RPH3A: variants seen among roughly 807,000 people sequenced by gnomAD.
RPH3A encodes rabphilin 3A.
Under a neutral mutation model 102.2 loss-of-function variants are expected in RPH3A, and 48 were observed. The ratio of observed to expected loss-of-function variants is 0.47; its 90% CI spans 0.37 to 0.60. RPH3A has a LOEUF of 0.60. RPH3A is among the 20% of genes least tolerant of loss of function. The pLI is 0.00. For synonymous variants in RPH3A, 310 were observed against 324.3 expected, an observed-to-expected ratio of 0.96 and a Z score of 0.47; for missense variants, 781 against 910.1, an observed-to-expected ratio of 0.86 and a Z score of 1.83.
chr12:112,790,826 G>T (rs1445270600), upstream of RPH3A, among the ~76,000 whole-genome samples: 1 of 152,214 alleles, frequency 6.6e-6, no homozygotes, highest in Non-Finnish European at 1.5e-5. Flanking sequence ...GCTGAAGGGT[G>T]AGGTTGGCAC....
At chr12:112,804,939 C>T (rs1266330531) in intron 2 of RPH3A, among the ~76,000 whole-genome samples, 2 of 152,078 alleles carry the variant, frequency 1.3e-5, no homozygotes, top group Non-Finnish European at 2.9e-5. Flanking sequence ...ACTCAGATCT[C>T]GCCTGTGACA....
chr12:112,672,461 G>T (rs2040140000), intron 1 of RPH3A, among the ~76,000 whole-genome samples: 1 of 152,206 alleles, frequency 6.6e-6, no homozygotes, highest in African/African-American at 2.4e-5. Flanking sequence ...CAGTTTTGCT[G>T]GTGACTCACT....
intron 1 of RPH3A, among the ~76,000 whole-genome samples, chr12:112,741,573 GA>G (rs761717970): frequency 1.3e-5 from 2 of 152,168 alleles, no homozygotes; most frequent in Non-Finnish European, 2.9e-5. Flanking sequence ...AAGCATCAAA[GA>G]CAGTGGAAGG....
At chr12:112,581,177 A>G (rs1362681982) in intron 1 of RPH3A, among the ~76,000 whole-genome samples, 1 of 152,192 alleles carries the variant, frequency 6.6e-6, no homozygotes, top group Admixed American at 6.5e-5. Context: ...AGACTGGGTA[A>G]TTTATAGAGG....
chr12:112,813,543 G>A (rs1403638838), intron 2 of RPH3A, among the ~76,000 whole-genome samples: 3 of 152,226 alleles, frequency 2.0e-5, no homozygotes, highest in African/African-American at 4.8e-5. Flanking sequence ...CCCCAGGGAA[G>A]TGAACACAGC....
chr12:112,843,231 G>A (rs1448638375), intron 4 of RPH3A, among the ~76,000 whole-genome samples: 1 of 152,142 alleles, frequency 6.6e-6, no homozygotes, highest in Non-Finnish European at 1.5e-5. Flanking sequence ...AAGCCATTCT[G>A]TCCCCTGAGA....
At chr12:112,645,831 C>T (rs900635434) in intron 1 of RPH3A, among the ~76,000 whole-genome samples, 1 of 152,082 alleles carries the variant, frequency 6.6e-6, no homozygotes, top group Non-Finnish European at 1.5e-5. Flanking sequence ...TGAATGGGGG[C>T]AGAGATGAGA....
intron 1 of RPH3A, among the ~76,000 whole-genome samples, chr12:112,745,486 T>C (rs1330436706): frequency 6.6e-6 from 1 of 152,220 alleles, no homozygotes; most frequent in African/African-American, 2.4e-5. Context: ...GGCTTAGAGC[T>C]TCTCTTCTTC....
At chr12:112,730,664 C>G (rs1387446102) in intron 1 of RPH3A, among the ~76,000 whole-genome samples, 6 of 152,156 alleles carry the variant, frequency 3.9e-5, no homozygotes. Context: ...TCAGTGCTTG[C>G]TTTTGGAGAC....
intron 1 of RPH3A, among the ~76,000 whole-genome samples, chr12:112,591,095 G>A (rs890726852): frequency 4.0e-5 from 6 of 150,774 alleles, no homozygotes; most frequent in African/African-American, 1.5e-4. Context: ...TGGTACCACA[G>A]GTGTATGCCA....
rs1593107317 is a variant in RPH3A, at chr12:112,869,927, C to T, written c.684C>T (p.Asn228=). 6.2e-7 allele frequency: 1 copy of T among 1,614,148 alleles called. No homozygotes were observed. Among genetic ancestry groups the T allele is most frequent in the Non-Finnish European group, 8.5e-7 (1 of 1,180,008 alleles). ...PDPASAPGRG[N]YGPPVRRASE... is the part of the protein sequence containing the mutation. ...CAGCCTCTGCTCCCGGGCGAGGAAACTATGGGCCTCCCGTGCGCAGGGCCT... is the reference window on the plus strand; with the variant it reads ...CAGCCTCTGCTCCCGGGCGAGGAAATTATGGGCCTCCCGTGCGCAGGGCCT... The change falls in exon 10 of 22, where the codon AAC becomes AAT. Residue 228 remains asparagine (N), a synonymous_variant. Transcript: ENST00000389385.
rs1309648203 is a variant in RPH3A at position 112,869,995 on chromosome 12, G to T, written c.752G>T (p.Trp251Leu). 1 of 1,614,174 alleles carries T rather than the reference G, an allele frequency of 6.2e-7. No individual in the cohort carries two copies. Among genetic ancestry groups the T allele is most frequent in the Non-Finnish European group, 8.5e-7 (1 of 1,180,032 alleles). Residue 251 changes from tryptophan to leucine, a missense_variant, in exon 10 of 22, where the codon TGG (tryptophan) becomes TTG (leucine). Physicochemically the swap from Trp to Leu is moderately conservative, Grantham distance 61 (BLOSUM62 -2). Transcript: ENST00000389385. Reference protein sequence around the residue: ...MSSSSRDSESWDHSGGAGDSS... With the variant: ...MSSSSRDSESLDHSGGAGDSS... ...TCATCTAGCCGAGATTCAGAGAGCT[G>T]GGACCACAGTGGGGGTGCTGGAGAC...
chr12:112,733,094 T>C (rs2040645317), intron 1 of RPH3A, among the ~76,000 whole-genome samples: 1 of 152,154 alleles, frequency 6.6e-6, no homozygotes, highest in South Asian at 2.1e-4. Context: ...ATGTGTCTCA[T>C]GTTTGAGATA....
At chr12:112,732,842 A>G (rs1160697015) in intron 1 of RPH3A, among the ~76,000 whole-genome samples, 2 of 152,146 alleles carry the variant, frequency 1.3e-5, no homozygotes, top group Non-Finnish European at 2.9e-5. Flanking sequence ...AGGTGGATCT[A>G]GAGTGTGTAA....
At chr12:112,866,610 C>G in intron 6 of RPH3A, 147 bp from the exon 7 acceptor site, 1 of 615,810 alleles carries the variant, frequency 1.6e-6, no homozygotes, top group Non-Finnish European at 2.9e-6. Flanking sequence ...GAGTTTTATT[C>G]TAACTGGCCT....
At chr12:112,765,781 T>C (rs750058279) in intron 1 of RPH3A, among the ~76,000 whole-genome samples, 9 of 152,202 alleles carry the variant, frequency 5.9e-5, no homozygotes, top group Admixed American at 2.6e-4. Flanking sequence ...CACACCTCGC[T>C]CATCTTAGTA....
At chr12:112,645,677 A>G (rs924302085) in intron 1 of RPH3A, among the ~76,000 whole-genome samples, 1 of 152,238 alleles carries the variant, frequency 6.6e-6, no homozygotes, top group South Asian at 2.1e-4. Flanking sequence ...GGTAAATCAC[A>G]TCTGCTTTGG....
At chr12:112,630,045 G>C (rs1460713502) in intron 1 of RPH3A, among the ~76,000 whole-genome samples, 2 of 152,094 alleles carry the variant, frequency 1.3e-5, no homozygotes, top group South Asian at 2.1e-4. Context: ...TCAATGTGAA[G>C]TCCATATGTT....
intron 4 of RPH3A, among the ~76,000 whole-genome samples, chr12:112,838,474 G>T (rs1262245575): frequency 6.6e-6 from 1 of 152,186 alleles, no homozygotes; most frequent in Non-Finnish European, 1.5e-5. Context: ...TGGTGTGGCT[G>T]CCCCTCCTTT....
Sources: gnomAD v4.1 joint callset for allele counts (sites outside exome capture counted in the v4.1 genomes callset) on GRCh38, gnomAD v4.1.1 for gene constraint, MANE v1.5 for transcripts, NCBI Gene and HGNC (gene_info 2026-07-23, HGNC 2026-07-21) for gene names.